The following IQSEC1 variants were observed in gnomAD, a reference collection of about 807,000 sequenced individuals.
IQSEC1 encodes the protein IQ motif and Sec7 domain ArfGEF 1, also known as IQ motif and SEC7 domain-containing protein 1.
Under a neutral mutation model 91.0 loss-of-function variants are expected in IQSEC1, and 31 were observed. The ratio of observed to expected loss-of-function variants is 0.34; its 90% CI spans 0.26 to 0.46. IQSEC1 has a LOEUF of 0.46. Among genes scored for constraint, IQSEC1 ranks in the 20% least tolerant of loss-of-function variants. The pLI is 1.00. For missense variants in IQSEC1, 1,388 were observed against 1,575.6 expected, an observed-to-expected ratio of 0.88 and a Z score of 2.02; for synonymous variants, 699 against 662.6, an observed-to-expected ratio of 1.05 and a Z score of -0.84.
rs147526648 is a variant in IQSEC1 at position 13,234,762 on chromosome 3, T to C, written c.272+47949A>G. On this transcript the variant is annotated intron_variant, in intron 1 of 15. Coordinates refer to the IQSEC1 transcript ENST00000648114. ...CACAACTCTCGGGTGTGACTAAATGTGGAAAATATTAGTGTTCCTTAATTC... is the reference window on the plus strand; with the variant it reads ...CACAACTCTCGGGTGTGACTAAATGCGGAAAATATTAGTGTTCCTTAATTC... 5.2e-3 allele frequency among the ~76,000 whole-genome samples: 786 copies of C among 152,334 alleles called. 8 individuals carry two copies. The highest frequency in any genetic ancestry group is 0.018 in the African/African-American group (732 of 41,566).
At chr3:13,192,622 C>T (rs1694056350) in intron 1 of IQSEC1, among the ~76,000 whole-genome samples, 1 of 152,232 alleles carries the variant, frequency 6.6e-6, no homozygotes, top group African/African-American at 2.4e-5. Context: ...AGTATTCTCC[C>T]TCGGGGCCCC....
chr3:13,153,547 C>T (rs182349560), intron 2 of IQSEC1, among the ~76,000 whole-genome samples: 1 of 152,230 alleles, frequency 6.6e-6, no homozygotes, highest in Non-Finnish European at 1.5e-5. Context: ...CCCCAGCCTA[C>T]CCCTGTCCTA....
chr3:12,957,861 T>C (rs1700011513), intron 1 of IQSEC1, among the ~76,000 whole-genome samples: 1 of 152,244 alleles, frequency 6.6e-6, no homozygotes, highest in African/African-American at 2.4e-5. Flanking sequence ...GTCCATGAAC[T>C]ACGGTGACAC....
chr3:13,173,393 C>T (rs1693655570), intron 1 of IQSEC1, among the ~76,000 whole-genome samples: 1 of 152,196 alleles, frequency 6.6e-6, no homozygotes, highest in South Asian at 2.1e-4. Flanking sequence ...CACCTGCAGC[C>T]CGGGCTCCCC....
At chr3:13,234,521 T>G (rs1694891986) in intron 1 of IQSEC1, among the ~76,000 whole-genome samples, 1 of 152,200 alleles carries the variant, frequency 6.6e-6, no homozygotes, top group Non-Finnish European at 1.5e-5. Context: ...GAATTTCTTC[T>G]AAGTACCCCC....
intron 1 of IQSEC1, among the ~76,000 whole-genome samples, chr3:13,248,034 CT>C (rs1695136876): frequency 6.6e-6 from 1 of 152,130 alleles, no homozygotes; most frequent in Non-Finnish European, 1.5e-5. Context: ...AAAATGCCCC[CT>C]ACAGGTTCTT....
chr3:12,959,366 G>C (rs777166303), intron 1 of IQSEC1, among the ~76,000 whole-genome samples: 1 of 152,158 alleles, frequency 6.6e-6, no homozygotes, highest in Admixed American at 6.5e-5. Context: ...CCATCCAGGG[G>C]ACCCCCAATC....
chr3:13,268,303 C>G (rs1374403272), intron 1 of IQSEC1, among the ~76,000 whole-genome samples: 3 of 152,232 alleles, frequency 2.0e-5, no homozygotes, highest in Non-Finnish European at 2.9e-5. Flanking sequence ...AACTTCACCT[C>G]TTTGAGCCTC....
chr3:12,971,194 G>C (rs1186418741), intron 1 of IQSEC1, among the ~76,000 whole-genome samples: 1 of 152,128 alleles, frequency 6.6e-6, no homozygotes, highest in Non-Finnish European at 1.5e-5. Flanking sequence ...GTCTTACATT[G>C]GCTCCAACTA....
rs567298979 is a variant in IQSEC1 at position 13,009,173 on chromosome 3, G to T, written c.23+63819C>A. On this transcript the variant is annotated intron_variant, in intron 1 of 13. Coordinates refer to ENST00000613206, the MANE Select transcript of IQSEC1 (RefSeq NM_001134382.3). The stretch of plus-strand genomic sequence containing the variant: ...TCATGTGCCTGCTCTGTCTTCATAG[G>T]TCTATTTTACAGATGTCAAACTGAG... 1.6e-4 allele frequency among the ~76,000 whole-genome samples: 24 copies of T among 152,300 alleles called. 1 individual carries two copies. In the East Asian group the frequency reaches 4.6e-3, roughly 29 times the overall value.
chr3:13,124,177 G>T (rs1706473186), intron 2 of IQSEC1, among the ~76,000 whole-genome samples: 1 of 152,172 alleles, frequency 6.6e-6, no homozygotes, highest in African/African-American at 2.4e-5. Context: ...AGCTTCCAGG[G>T]GCTGGGGGAG....
chr3:13,080,593 C>T (rs1018925542), intron 2 of IQSEC1, among the ~76,000 whole-genome samples: 8 of 152,018 alleles, frequency 5.3e-5, no homozygotes, highest in African/African-American at 1.9e-4. Context: ...AGACAGAGCC[C>T]TGGGGACATG....
At chr3:12,948,556 G>A (rs1228793116) in intron 1 of IQSEC1, among the ~76,000 whole-genome samples, 1 of 152,218 alleles carries the variant, frequency 6.6e-6, no homozygotes, top group Admixed American at 6.5e-5. Flanking sequence ...AGTCAGGGCT[G>A]GGGGGCTGTG....
chr3:13,245,241 C>T (rs1461192540), intron 1 of IQSEC1, among the ~76,000 whole-genome samples: 1 of 152,154 alleles, frequency 6.6e-6, no homozygotes, highest in Non-Finnish European at 1.5e-5. Context: ...AGACTTGGCT[C>T]TCCTCCACGT....
At chr3:13,081,994 C>A (rs1020427120) in intron 2 of IQSEC1, among the ~76,000 whole-genome samples, 11 of 152,182 alleles carry the variant, frequency 7.2e-5, no homozygotes, top group African/African-American at 2.4e-4. Flanking sequence ...GAGAGCAGGG[C>A]CACCGGGCAG....
rs1395390624 is a variant in IQSEC1, at chr3:12,910,965, C to T, written c.2416+664G>A. Among the ~76,000 whole-genome samples the T allele has an allele frequency of 3.9e-5, 6 of 152,162 alleles. No individual in the cohort carries two copies. The East Asian group carries it at 9.6e-4, about 24-fold the overall frequency. On this transcript the variant is annotated intron_variant, in intron 10 of 13. Transcript: ENST00000613206. The stretch of plus-strand genomic sequence containing the variant: ...GGGACAAAGGAGGGGGAAGAGAAGC[C>T]GTGGAGAGTGAAAGGAGCAAGGTAA...
intron 1 of IQSEC1, among the ~76,000 whole-genome samples, chr3:13,010,306 C>T (rs190100557): frequency 5.3e-5 from 8 of 152,352 alleles, no homozygotes; most frequent in Admixed American, 4.6e-4. Context: ...CCTCCATTCT[C>T]AGTCCATCTA....
At chr3:13,009,466 C>T (rs746823694) in intron 1 of IQSEC1, among the ~76,000 whole-genome samples, 35 of 151,988 alleles carry the variant, frequency 2.3e-4, no homozygotes, top group Admixed American at 5.2e-4. Context: ...GCCCGCTCTC[C>T]GCCCTGGCCC....
chr3:12,990,936 C>G (rs1701958940), intron 1 of IQSEC1, among the ~76,000 whole-genome samples: 1 of 152,200 alleles, frequency 6.6e-6, no homozygotes, highest in East Asian at 1.9e-4. Context: ...GCTGGGTTTG[C>G]ACTGCAATCC....
Sources: gnomAD v4.1 joint callset for allele counts (sites outside exome capture counted in the v4.1 genomes callset) on GRCh38, gnomAD v4.1.1 for gene constraint, MANE v1.5 for transcripts, NCBI Gene and HGNC (gene_info 2026-07-23, HGNC 2026-07-21) for gene names.